ARMC9: variants seen among roughly 807,000 people sequenced by gnomAD.
The protein encoded by ARMC9 is armadillo repeat containing 9.
Under a neutral mutation model 107.0 loss-of-function variants are expected in ARMC9, and 94 were observed. The observed-to-expected ratio is 0.88, with a 90% CI of 0.74 to 1.04. ARMC9 has a LOEUF of 1.04. ARMC9 is among the 50% of genes least tolerant of loss of function. The pLI is 0.00. For missense variants in ARMC9, 942 were observed against 1,030.1 expected, an observed-to-expected ratio of 0.91 and a Z score of 1.17; for synonymous variants, 380 against 396.9, an observed-to-expected ratio of 0.96 and a Z score of 0.51.
At chr2:231,203,081 G>A (rs890804295) in intron 1 of ARMC9, among the ~76,000 whole-genome samples, 1 of 152,012 alleles carries the variant, frequency 6.6e-6, no homozygotes, top group Non-Finnish European at 1.5e-5. Context: ...TAACTCGGTC[G>A]GAAGTCCCTC....
chr2:231,354,770 C>T (rs1001718031), intron 21 of ARMC9, among the ~76,000 whole-genome samples: 1 of 152,198 alleles, frequency 6.6e-6, no homozygotes, highest in Non-Finnish European at 1.5e-5. Context: ...CCACTGAGCC[C>T]TTGTTGGATT....
chr2:231,215,069 C>A, intron 4 of ARMC9, 68 bp downstream of exon 4: 1 of 1,533,068 alleles, frequency 6.5e-7, no homozygotes. Context: ...CTGTCATTGT[C>A]CACATGGGCA....
chr2:231,257,108 C>T (rs1387547339), intron 10 of ARMC9, among the ~76,000 whole-genome samples: 2 of 152,234 alleles, frequency 1.3e-5, no homozygotes, highest in Non-Finnish European at 2.9e-5. Context: ...AGCCACCGCG[C>T]CTGGCCATCT....
chr2:231,275,822 G>A (rs902771068), intron 14 of ARMC9, among the ~76,000 whole-genome samples: 4 of 152,138 alleles, frequency 2.6e-5, no homozygotes, highest in African/African-American at 9.7e-5. Flanking sequence ...GTGTGGTGGC[G>A]CATGCCTGTA....
Position 231,297,489 on chromosome 2 carries a change from A to T in ARMC9, c.1773+1236A>T, listed in dbSNP as rs2041454956. Among the ~76,000 whole-genome samples, 1 of 152,208 alleles carries T rather than the reference A, an allele frequency of 6.6e-6. No homozygotes were observed. On this transcript the variant is annotated intron_variant, in intron 19 of 24. Coordinates refer to ENST00000611582, the MANE Select transcript of ARMC9 (RefSeq NM_001352754.2). The surrounding 1 kb of genome is among the most constrained non-coding windows in gnomAD (Gnocchi z 4.2). ...AGGCCACACAGTCTCTGTTCCAACC[A>T]CTCAATTCTGCCATTGTAACACGGT...
chr2:231,240,863 A>G (rs2036229355), intron 9 of ARMC9, among the ~76,000 whole-genome samples: 1 of 152,128 alleles, frequency 6.6e-6, no homozygotes, highest in East Asian at 1.9e-4. Flanking sequence ...GTTACATGAC[A>G]TTAACATGTT....
chr2:231,309,928 C>CT (rs1346292343), intron 19 of ARMC9, among the ~76,000 whole-genome samples: 1 of 152,050 alleles, frequency 6.6e-6, no homozygotes, highest in Non-Finnish European at 1.5e-5. Flanking sequence ...CATTTTATAT[C>CT]TAAATTCTGT....
Position 231,222,812 on chromosome 2 carries a change from A to T in ARMC9, c.589A>T (p.Thr197Ser). Reference protein sequence around the residue: ...SKASNTPKLLTIYKENGQSNK... With the variant: ...SKASNTPKLLSIYKENGQSNK... Reference sequence around the variant, plus strand: ...AGCCAGCAACACGCCAAAGCTTTTAACAATATATGTATCCTTTTGAAGCAA... The same window carrying T: ...AGCCAGCAACACGCCAAAGCTTTTATCAATATATGTATCCTTTTGAAGCAA... Residue 197 changes from threonine to serine, a missense_variant, in exon 6 of 25, where the codon ACA (threonine) becomes TCA (serine). By Grantham distance (58) the Thr-to-Ser change is moderately conservative (BLOSUM62 1). Coordinates refer to ENST00000611582, the MANE Select transcript of ARMC9 (RefSeq NM_001352754.2). The T allele has an allele frequency of 6.3e-7, 1 of 1,578,504 alleles. No individual in the cohort carries two copies. Among genetic ancestry groups the T allele is most frequent in the Non-Finnish European group, 8.7e-7 (1 of 1,150,906 alleles).
chr2:231,206,304 C>G lies in ARMC9; in HGVS notation c.51+15C>G, dbSNP rs760205337. On this transcript the variant is annotated intron_variant, in intron 2 of 24. Transcript: ENST00000611582. ...TAGTGAAAGAGGTAGGTATATTATA[C>G]AAAGCAGAGGTCACAGAGAAACAGA... 2.0e-5 allele frequency: 32 copies of G among 1,607,744 alleles called. No individual in the cohort carries two copies. Among genetic ancestry groups the G allele is most frequent in the Non-Finnish European group, 2.6e-5 (31 of 1,175,128 alleles).
At chr2:231,227,927 G>A (rs1168305860) in intron 7 of ARMC9, among the ~76,000 whole-genome samples, 1 of 152,200 alleles carries the variant, frequency 6.6e-6, no homozygotes, top group Non-Finnish European at 1.5e-5. Flanking sequence ...GGAGGAGCAG[G>A]GCTACAGATA....
At position 231,226,776 on chromosome 2, in the gene ARMC9, G is replaced by A. The variant is rs2034685724; in HGVS notation, c.600G>A (p.Lys200=). The part of the protein sequence containing the change: ...SNTPKLLTIY[K]ENGQSNKEIL... ...CCTGAACTTCTTTTTCATCCCAGAA[G>A]GAGAATGGACAAAGTAACAAAGGTA... Residue 200 remains lysine, a splice_region_variant and synonymous_variant, in exon 7 of 25, where the codon AAG becomes AAA. Coordinates refer to ENST00000611582, the MANE Select transcript of ARMC9 (RefSeq NM_001352754.2). 3.1e-6 allele frequency: 5 copies of A among 1,613,500 alleles called. No individual in the cohort carries two copies. The Admixed American group carries it at 5.0e-5, about 16-fold the overall frequency.
chr2:231,203,419 C>T (rs1039410941), intron 1 of ARMC9, among the ~76,000 whole-genome samples: 7 of 152,204 alleles, frequency 4.6e-5, no homozygotes, highest in African/African-American at 1.4e-4. Flanking sequence ...GGACTCACAG[C>T]GCTCATGGCC....
At chr2:231,216,604 G>A in intron 4 of ARMC9, 34 bp from the exon 5 acceptor site, 1 of 1,604,450 alleles carries the variant, frequency 6.2e-7, no homozygotes, top group Admixed American at 1.7e-5. Context: ...GCATTGATCT[G>A]GAGACCTCAA....
intron 20 of ARMC9, among the ~76,000 whole-genome samples, chr2:231,334,052 T>C (rs2125562185): frequency 6.6e-6 from 1 of 152,330 alleles, no homozygotes; most frequent in East Asian, 1.9e-4. Flanking sequence ...CATCTGGAAA[T>C]GGTACCATCT....
rs1335949415 is a variant in ARMC9, at chr2:231,372,080, A to G, written c.*545A>G. On this transcript the variant is annotated 3_prime_UTR_variant, in exon 25 of 25. Transcript: ENST00000611582. ...TTTCTTCCTGTGTTAAAATCTGAGAAAGAAGGCCAGGTGCGGTGGCTCACG... is the reference window on the plus strand; with the variant it reads ...TTTCTTCCTGTGTTAAAATCTGAGAGAGAAGGCCAGGTGCGGTGGCTCACG... 6.6e-6 allele frequency: 1 copy of G among 152,540 alleles called. No individual in the cohort carries two copies. Among genetic ancestry groups the G allele is most frequent in the Non-Finnish European group, 1.5e-5 (1 of 68,292 alleles). 9.4% of individuals were successfully genotyped at this position (152,540 alleles called of 1,614,324 possible).
chr2:231,229,615 C>G (rs947700960), intron 7 of ARMC9, among the ~76,000 whole-genome samples: 3 of 152,142 alleles, frequency 2.0e-5, no homozygotes, highest in Non-Finnish European at 4.4e-5. Context: ...GATCATTTTT[C>G]TGGAGTTTGG....
chr2:231,205,388 G>A (rs1188059276), intron 1 of ARMC9, among the ~76,000 whole-genome samples: 2 of 152,060 alleles, frequency 1.3e-5, no homozygotes, highest in African/African-American at 4.8e-5. Context: ...AATTCGATGA[G>A]TTCTGACACA....
chr2:231,247,590 A>G (rs1291006921), intron 9 of ARMC9, among the ~76,000 whole-genome samples: 1 of 152,204 alleles, frequency 6.6e-6, no homozygotes. Context: ...TACCTCGTAT[A>G]CCAATGCCTG....
chr2:231,346,689 A>C (rs1372936137), intron 21 of ARMC9, among the ~76,000 whole-genome samples: 1 of 152,092 alleles, frequency 6.6e-6, no homozygotes. Flanking sequence ...ACATAACCCC[A>C]CTATCACAGC....
Sources: allele counts gnomAD v4.1 joint callset (sites outside exome capture counted in the v4.1 genomes callset), GRCh38; gene constraint gnomAD v4.1.1; non-coding constraint Gnocchi (gnomAD v3.1); transcripts MANE v1.5; gene names NCBI Gene and HGNC (gene_info 2026-07-23, HGNC 2026-07-21).